Variants in CYLD observed in about 807,000 individuals in gnomAD.
CYLD encodes the protein ubiquitin carboxyl-terminal hydrolase CYLD.
In CYLD, 26 loss-of-function variants were observed where a neutral mutation model predicts 104.5. That is an observed-to-expected ratio of 0.25 (90% confidence interval 0.18 to 0.35). The LOEUF is 0.35. Among genes scored for constraint, CYLD ranks in the 10% least tolerant of loss-of-function variants. The pLI, the probability that CYLD is intolerant of heterozygous loss-of-function variation, is 1.00. For missense variants in CYLD, 703 were observed against 1,136.1 expected, an observed-to-expected ratio of 0.62 and a Z score of 5.48; for synonymous variants, 385 against 399.9, an observed-to-expected ratio of 0.96 and a Z score of 0.45.
chr16:50,789,694 A>T (rs1191803710), intron 14 of CYLD, among the ~76,000 whole-genome samples: 11 of 152,228 alleles, frequency 7.2e-5, no homozygotes, highest in Non-Finnish European at 8.8e-5. Flanking sequence ...TTTGACAGAC[A>T]GAGTCAGCAG....
At chr16:50,783,620 C>T (rs572931890) in intron 11 of CYLD, among the ~76,000 whole-genome samples, 1 of 152,080 alleles carries the variant, frequency 6.6e-6, no homozygotes, top group Non-Finnish European at 1.5e-5. Flanking sequence ...CTCACTGGAA[C>T]CTCCACCTCC....
At position 50,801,291 on chromosome 16, in the gene CYLD, T is replaced by C. The variant is rs1164672228; in HGVS notation, c.*4783T>C. ...TGATTGTAGCATCCAGCAGTCTCTG[T>C]AGCCAGGTTACTCAAGAACCACATT... On this transcript the variant is annotated 3_prime_UTR_variant, in exon 19 of 19. Transcript: ENST00000427738. The C allele has an allele frequency of 4.3e-6, 1 of 233,372 alleles. No homozygotes were observed. Among genetic ancestry groups the C allele is most frequent in the Non-Finnish European group, 8.5e-6 (1 of 118,074 alleles). 14.5% of individuals were successfully genotyped at this position (233,372 alleles called of 1,614,324 possible).
chr16:50,752,998 G>A (rs540775308), intron 4 of CYLD, among the ~76,000 whole-genome samples: 51 of 152,250 alleles, frequency 3.3e-4, no homozygotes, highest in African/African-American at 6.5e-4. Flanking sequence ...GTTAGGAGGC[G>A]ATGTGAGTAG....
rs1219282181 is a variant in CYLD, at chr16:50,791,737, T to A, written c.2241+47T>A. On this transcript the variant is annotated intron_variant, in intron 15 of 18. Coordinates refer to ENST00000427738, the MANE Select transcript of CYLD (RefSeq NM_001378743.1). The stretch of plus-strand genomic sequence containing the variant: ...TATTTTATGTGAAAGTCTGTGGGAG[T>A]CTTAAGACTATTGGTAGTTTCAGTA... The A allele has an allele frequency of 2.5e-6, 4 of 1,597,280 alleles. No individual in the cohort carries two copies. In the Admixed American group the frequency reaches 6.7e-5, roughly 27 times the overall value.
At chr16:50,771,531 A>G (rs73584461) in intron 5 of CYLD, among the ~76,000 whole-genome samples, 6,295 of 152,236 alleles carry the variant, frequency 0.041, 391 homozygotes, top group African/African-American at 0.13. Context: ...TAGGAGTAGA[A>G]TTGCTGGGTC....
chr16:50,795,604 G>C (rs907040163), intron 18 of CYLD: 26 of 702,848 alleles, frequency 3.7e-5, no homozygotes, highest in Non-Finnish European at 6.5e-5. Flanking sequence ...AGTAGCCTAA[G>C]ACATTCCCTG....
rs1432072117 is a variant in CYLD, at chr16:50,797,332, AAAC to A, written c.*826_*828del. On this transcript the variant is annotated 3_prime_UTR_variant, in exon 19 of 19. Coordinates refer to ENST00000427738, the MANE Select transcript of CYLD (RefSeq NM_001378743.1). ...AATTGGAGTGATAATAGTCCTTTAC[AAAC>A]ATACAGTCCATAAGAAAATGAATTT... 4.3e-6 allele frequency: 1 copy of A among 232,318 alleles called. No homozygotes were observed. Among genetic ancestry groups the A allele is most frequent in the East Asian group, 6.1e-5 (1 of 16,490 alleles). 14.4% of individuals were successfully genotyped at this position (232,318 alleles called of 1,614,324 possible). A position where few individuals can be genotyped will look rare whatever the true frequency, so the allele number is the denominator to read the frequency against.
chr16:50,796,073 G>T (rs371120518), intron 18 of CYLD, among the ~76,000 whole-genome samples: 53 of 152,288 alleles, frequency 3.5e-4, no homozygotes, highest in East Asian at 3.5e-3. Context: ...TGGAAAGTAG[G>T]TTGGGGGCTT....
intron 5 of CYLD, among the ~76,000 whole-genome samples, chr16:50,763,127 G>T (rs1968136574): frequency 6.6e-6 from 1 of 152,076 alleles, no homozygotes; most frequent in Admixed American, 6.6e-5. Context: ...CATTATATGT[G>T]GTCTTTTGTG....
intron 4 of CYLD, among the ~76,000 whole-genome samples, chr16:50,752,371 T>A (rs1173704509): frequency 6.6e-6 from 1 of 152,162 alleles, no homozygotes; most frequent in Non-Finnish European, 1.5e-5. Context: ...CTACACAATT[T>A]AATGGCTGAT....
chr16:50,767,448 G>T (rs1968637694), intron 5 of CYLD, among the ~76,000 whole-genome samples: 1 of 142,580 alleles, frequency 7.0e-6, no homozygotes, highest in Non-Finnish European at 1.5e-5. Context: ...GTGTGCCTGT[G>T]TGGGTTTGTG....
chr16:50,778,012 A>C (rs759296512), intron 8 of CYLD, 71 bp downstream of exon 8: 2 of 894,200 alleles, frequency 2.2e-6, no homozygotes, highest in African/African-American at 3.3e-5. Flanking sequence ...ATGGTTTTTT[A>C]TATCAATATT....
chr16:50,747,370 G>C (rs1014905674), intron 2 of CYLD, among the ~76,000 whole-genome samples: 13 of 152,194 alleles, frequency 8.5e-5, no homozygotes, highest in Non-Finnish European at 1.9e-4. Flanking sequence ...ATGGCTGATT[G>C]CAAGGGAAAA....
In CYLD at chr16:50,798,827, G is replaced by T. The variant is rs962834627; in HGVS notation, c.*2319G>T. On this transcript the variant is annotated 3_prime_UTR_variant, in exon 19 of 19. Transcript: ENST00000427738. Reference sequence around the variant, plus strand: ...TGATTTCTGGCAACGTCTTCTTCAGGTGGAGCTTGACGTCTTTTTAATGTT... The same window carrying T: ...TGATTTCTGGCAACGTCTTCTTCAGTTGGAGCTTGACGTCTTTTTAATGTT... 4.3e-6 allele frequency: 1 copy of T among 233,468 alleles called. No homozygotes were observed. Among genetic ancestry groups the T allele is most frequent in the Non-Finnish European group, 8.5e-6 (1 of 118,074 alleles). 14.5% of individuals were successfully genotyped at this position (233,468 alleles called of 1,614,324 possible). A position where few individuals can be genotyped will look rare whatever the true frequency, so the allele number is the denominator to read the frequency against.
At chr16:50,754,932 C>CAT (rs888987486) in intron 5 of CYLD, among the ~76,000 whole-genome samples, 1 of 145,572 alleles carries the variant, frequency 6.9e-6, no homozygotes, top group East Asian at 2.0e-4. Context: ...TATATACACA[C>CAT]ATATGTATAT....
chr16:50,751,412 C>T (rs1463738796), intron 3 of CYLD, among the ~76,000 whole-genome samples, 192 bp from the exon 4 acceptor site: 1 of 152,302 alleles, frequency 6.6e-6, no homozygotes, highest in African/African-American at 2.4e-5. Context: ...AATATTATTT[C>T]AGCATCAGAT....
At chr16:50,786,433 A>G (rs1362918597) in intron 12 of CYLD, 1 of 167,338 alleles carries the variant, frequency 6.0e-6, no homozygotes, top group Admixed American at 5.7e-5. Flanking sequence ...ATAATTGTCT[A>G]ACCTATTGAT....
At chr16:50,780,626 C>T (rs1336689221) in intron 9 of CYLD, among the ~76,000 whole-genome samples, 1 of 152,210 alleles carries the variant, frequency 6.6e-6, no homozygotes, top group Non-Finnish European at 1.5e-5. Context: ...TCAAGCTATT[C>T]TCCTGCCTCA....
intron 5 of CYLD, among the ~76,000 whole-genome samples, chr16:50,757,486 A>G (rs1461626097): frequency 6.6e-6 from 1 of 152,200 alleles, no homozygotes; most frequent in African/African-American, 2.4e-5. Context: ...TACATTCAGG[A>G]AAAAGCATAT....
Sources: gnomAD v4.1 joint callset for allele counts (sites outside exome capture counted in the v4.1 genomes callset) on GRCh38, gnomAD v4.1.1 for gene constraint, MANE v1.5 for transcripts, NCBI Gene and HGNC (gene_info 2026-07-23, HGNC 2026-07-21) for gene names.